Variants in PARD3 observed in about 807,000 individuals in gnomAD.
PARD3 encodes the protein partitioning defective 3 homolog.
PARD3 carries 75 observed loss-of-function variants against 155.4 expected under a neutral mutation model. The observed-to-expected ratio is 0.48, with a 90% confidence interval of 0.40 to 0.58. PARD3 has a LOEUF of 0.58. PARD3 is among the 20% of genes least tolerant of loss of function. PARD3 has a pLI of 0.00. For missense variants in PARD3, 1,642 were observed against 1,721.7 expected (o/e 0.95, Z 0.82); for synonymous variants, 576 against 610.5 (o/e 0.94, Z 0.83).
intron 4 of PARD3, among the ~76,000 whole-genome samples, chr10:34,458,648 TAG>T (rs1477630272): frequency 3.9e-5 from 6 of 152,282 alleles, no homozygotes; most frequent in African/African-American, 1.4e-4. Context: ...AGGTATAACT[TAG>T]ATTATCTTCT....
chr10:34,329,491 T>C (rs925297984), intron 19 of PARD3, among the ~76,000 whole-genome samples: 1 of 152,090 alleles, frequency 6.6e-6, no homozygotes, highest in Non-Finnish European at 1.5e-5. Context: ...AAAAACTCAA[T>C]AGGGTCGAAA....
At chr10:34,635,829 C>T (rs531657544) in intron 2 of PARD3, among the ~76,000 whole-genome samples, 3 of 152,058 alleles carry the variant, frequency 2.0e-5, no homozygotes, top group East Asian at 3.9e-4. Flanking sequence ...TTGATATTAC[C>T]CAGATTAATA....
chr10:34,343,387 ATT>A lies in PARD3; in HGVS notation c.2219-1573_2219-1572del, dbSNP rs1229013152. ...ATATGAACACTGAAAGGGGCATATG[ATT>A]TTTTTTGTAATCTGTTGTTCTGAGT... On this transcript the variant is annotated intron_variant, in intron 15 of 24. Transcript: ENST00000374788. 1.2e-5 allele frequency: 12 copies of A among 982,700 alleles called. No homozygotes were observed. The East Asian group carries it at 1.2e-3, about 102-fold the overall frequency. The allele number at this position is 982,700 out of a possible 1,614,324, so 60.9% of individuals were successfully genotyped here. A position where few individuals can be genotyped will look rare whatever the true frequency, so the allele number is the denominator to read the frequency against.
intron 2 of PARD3, among the ~76,000 whole-genome samples, chr10:34,531,132 C>T (rs767684531): frequency 6.6e-6 from 1 of 152,176 alleles, no homozygotes; most frequent in African/African-American, 2.4e-5. Flanking sequence ...ACTGCCTCTG[C>T]TCAATACAAT....
At chr10:34,263,532 G>A (rs886548257) in intron 22 of PARD3, among the ~76,000 whole-genome samples, 1 of 152,162 alleles carries the variant, frequency 6.6e-6, no homozygotes, top group African/African-American at 2.4e-5. Context: ...CATGTCATAT[G>A]CCTGTAGTCC....
At chr10:34,139,619 G>A (rs568021810) in intron 22 of PARD3, among the ~76,000 whole-genome samples, 8 of 152,256 alleles carry the variant, frequency 5.3e-5, no homozygotes, top group Non-Finnish European at 7.4e-5. Context: ...AAGTGACTCC[G>A]GGAGAAACAG....
intron 1 of PARD3, among the ~76,000 whole-genome samples, chr10:34,800,778 A>C (rs1842774036): frequency 6.6e-6 from 1 of 152,038 alleles, no homozygotes; most frequent in Admixed American, 6.5e-5. Flanking sequence ...ACAACCTCCT[A>C]AACTAATAGG....
At chr10:34,809,630 C>CA (rs1210891505) in intron 1 of PARD3, among the ~76,000 whole-genome samples, 4 of 152,152 alleles carry the variant, frequency 2.6e-5, no homozygotes, top group African/African-American at 9.7e-5. Flanking sequence ...GGAGCAGCTG[C>CA]AGAGGGAGTG....
At chr10:34,737,016 A>G (rs2094927879) in intron 1 of PARD3, among the ~76,000 whole-genome samples, 2 of 152,186 alleles carry the variant, frequency 1.3e-5, no homozygotes, top group African/African-American at 4.8e-5. Context: ...GTCAGAAGCA[A>G]CAAACTCATG....
chr10:34,546,457 C>G (rs1001285984), intron 2 of PARD3, among the ~76,000 whole-genome samples: 4 of 151,654 alleles, frequency 2.6e-5, no homozygotes, highest in African/African-American at 9.7e-5. Context: ...GCAGAGGTTG[C>G]AGCGAGCCGA....
intron 1 of PARD3, among the ~76,000 whole-genome samples, chr10:34,698,811 C>T (rs939589269): frequency 6.6e-6 from 1 of 152,238 alleles, no homozygotes; most frequent in Non-Finnish European, 1.5e-5. Flanking sequence ...ATATGCAGCA[C>T]AAAACCTTTT....
chr10:34,122,588 T>C, intron 23 of PARD3, among the ~76,000 whole-genome samples: 1 of 152,220 alleles, frequency 6.6e-6, no homozygotes, highest in South Asian at 2.1e-4. Flanking sequence ...GTTTACTCCA[T>C]TTCTCTTTTT....
intron 5 of PARD3, among the ~76,000 whole-genome samples, chr10:34,449,797 C>A (rs1277328390): frequency 1.3e-5 from 2 of 152,156 alleles, no homozygotes; most frequent in African/African-American, 4.8e-5. Context: ...ACAGATAACT[C>A]TAAAGACTGA....
chr10:34,495,587 T>C (rs2080221180), intron 3 of PARD3, among the ~76,000 whole-genome samples: 1 of 152,150 alleles, frequency 6.6e-6, no homozygotes, highest in Non-Finnish European at 1.5e-5. Context: ...TTCCCATTAA[T>C]AGGGGCAAGG....
At chr10:34,272,394 T>A (rs1323606216) in intron 21 of PARD3, among the ~76,000 whole-genome samples, 1 of 152,170 alleles carries the variant, frequency 6.6e-6, no homozygotes, top group African/African-American at 2.4e-5. Flanking sequence ...AAAAAAATAT[T>A]TGCAAGGCAC....
chr10:34,343,892 T>A, intron 15 of PARD3: 1 of 983,318 alleles, frequency 1.0e-6, no homozygotes, highest in South Asian at 4.7e-5. Context: ...ACTAAACATT[T>A]ATTCATTGGC....
At chr10:34,643,202 C>T (rs1169409559) in intron 2 of PARD3, among the ~76,000 whole-genome samples, 4 of 152,234 alleles carry the variant, frequency 2.6e-5, no homozygotes, top group African/African-American at 4.8e-5. Flanking sequence ...GAAGGCCCCA[C>T]GGCTCTCACT....
At chr10:34,528,776 C>G (rs953269146) in intron 2 of PARD3, among the ~76,000 whole-genome samples, 1 of 152,114 alleles carries the variant, frequency 6.6e-6, no homozygotes, top group East Asian at 1.9e-4. Flanking sequence ...TTATTCTGCA[C>G]GAGGTTTCAA....
At position 34,712,583 on chromosome 10, in the gene PARD3, T is replaced by C. The variant is rs554995842; in HGVS notation, c.121-16164A>G. ...CACCACATAATGTCACAGTCAAGCA[T>C]AGCTTAGGCTCAGACGCTAACCTGG... On this transcript the variant is annotated intron_variant, in intron 1 of 24. Transcript: ENST00000374788. Among the ~76,000 whole-genome samples the C allele has an allele frequency of 3.3e-5, 5 of 152,346 alleles. No individual in the cohort carries two copies. The East Asian group carries it at 5.8e-4, about 18-fold the overall frequency.
Sources: allele counts gnomAD v4.1 joint callset (sites outside exome capture counted in the v4.1 genomes callset), GRCh38; gene constraint gnomAD v4.1.1; transcripts MANE v1.5; gene names NCBI Gene and HGNC (gene_info 2026-07-23, HGNC 2026-07-21).